Variants in GRIP1 observed in about 807,000 individuals in gnomAD.
GRIP1 encodes the protein glutamate receptor-interacting protein 1.
GRIP1 carries 45 observed loss-of-function variants against 129.9 expected under a neutral mutation model. The ratio of observed to expected loss-of-function variants is 0.35; its 90% CI spans 0.27 to 0.44. The LOEUF is 0.44. Ranked by LOEUF, GRIP1 falls within the 20% of genes least tolerant of loss-of-function variation. GRIP1 has a pLI of 1.00. For missense variants in GRIP1, 1,196 were observed against 1,396.8 expected (o/e 0.86, Z 2.29); for synonymous variants, 530 against 520.8 (o/e 1.02, Z -0.24).
chr12:66,606,115 AGG>A (rs746343394), intron 1 of GRIP1, among the ~76,000 whole-genome samples: 2 of 152,172 alleles, frequency 1.3e-5, no homozygotes, highest in Non-Finnish European at 2.9e-5. Context: ...AATGGTCCAA[AGG>A]ATGTTCCCAA....
At chr12:66,882,794 T>C (rs893163349) in intron 1 of GRIP1, among the ~76,000 whole-genome samples, 1 of 152,196 alleles carries the variant, frequency 6.6e-6, no homozygotes, top group Non-Finnish European at 1.5e-5. Context: ...GGTCTCCTTT[T>C]AGCTTCACAG....
chr12:66,957,417 A>AATATATATAT (rs60559996), intron 1 of GRIP1, among the ~76,000 whole-genome samples: 35 of 147,478 alleles, frequency 2.4e-4, no homozygotes, highest in African/African-American at 7.4e-4. Context: ...GCTTTAATCT[A>AATATATATAT]ATATATATAT....
intron 1 of GRIP1, among the ~76,000 whole-genome samples, chr12:66,604,949 T>C (rs2064444361): frequency 6.6e-6 from 1 of 152,052 alleles, no homozygotes; most frequent in South Asian, 2.1e-4. Flanking sequence ...TTTCATGTAA[T>C]GGCAACTGAG....
At chr12:66,447,375 T>C (rs12581681) in intron 11 of GRIP1, among the ~76,000 whole-genome samples, 11,842 of 152,230 alleles carry the variant, frequency 0.078, 1,257 homozygotes, top group African/African-American at 0.23. Context: ...TTCACAATCC[T>C]ATTAGGTCCT....
intron 1 of GRIP1, among the ~76,000 whole-genome samples, chr12:66,949,760 CTTTTT>C (rs781123585): frequency 1.2e-5 from 1 of 85,426 alleles, no homozygotes; most frequent in African/African-American, 4.4e-5. Context: ...CATGCTCCTC[CTTTTT>C]TTTTTTTTTT....
intron 1 of GRIP1, among the ~76,000 whole-genome samples, chr12:66,991,049 G>A (rs762740203): frequency 3.3e-5 from 5 of 151,078 alleles, no homozygotes; most frequent in Admixed American, 1.3e-4. Flanking sequence ...CGAGGCAGGC[G>A]GATCACGAGG....
At position 67,003,741 on chromosome 12, in the gene GRIP1, A is replaced by T. The variant is rs181858235; in HGVS notation, c.58+65309T>A. ...AAAAATAAATAAAAAAATAAATAAA[A>T]AAATTCCTACCATTTTCCCTCTTTC... On this transcript the variant is annotated intron_variant, in intron 1 of 1. Coordinates refer to the GRIP1 transcript ENST00000643019. Among the ~76,000 whole-genome samples the T allele has an allele frequency of 8.7e-4, 132 of 152,076 alleles. 1 individual carries two copies. The highest frequency in any genetic ancestry group is 6.8e-3 in the Middle Eastern group (2 of 294).
intron 1 of GRIP1, chr12:67,035,782 T>C (rs2043085594): frequency 6.6e-6 from 1 of 152,164 alleles, no homozygotes; most frequent in Admixed American, 6.5e-5. Flanking sequence ...CTCTCCTCCA[T>C]TATTATTCCC....
At chr12:66,604,026 A>C (rs1273331713) in intron 1 of GRIP1, among the ~76,000 whole-genome samples, 1 of 152,224 alleles carries the variant, frequency 6.6e-6, no homozygotes, top group East Asian at 1.9e-4. Context: ...ACATGAGGGA[A>C]GAATCTTCCA....
intron 1 of GRIP1, among the ~76,000 whole-genome samples, chr12:66,792,684 T>G (rs188905371): frequency 1.0e-3 from 159 of 152,154 alleles, no homozygotes; most frequent in South Asian, 2.1e-3. Context: ...ATATTGCAAT[T>G]TCTGATTGAG....
chr12:66,596,740 GATTTATTATT>G, intron 2 of GRIP1, 97 bp downstream of exon 2: 3 of 724,896 alleles, frequency 4.1e-6, no homozygotes, highest in Non-Finnish European at 7.5e-6. Flanking sequence ...GAAATAACAT[GATTTATTATT>G]ATTATTATTA....
chr12:66,683,913 G>T (rs1592740704), upstream of GRIP1, among the ~76,000 whole-genome samples: 1 of 152,300 alleles, frequency 6.6e-6, no homozygotes, highest in East Asian at 1.9e-4. Flanking sequence ...GTTTATGGAG[G>T]TATTATGTAG....
At chr12:66,934,528 A>C (rs540315819) in intron 1 of GRIP1, among the ~76,000 whole-genome samples, 2 of 152,312 alleles carry the variant, frequency 1.3e-5, no homozygotes, top group South Asian at 4.1e-4. Context: ...GGTTTCACAC[A>C]ATGCCCTTCA....
intron 1 of GRIP1, among the ~76,000 whole-genome samples, chr12:66,976,568 TATATC>T (rs746738125): frequency 8.5e-5 from 13 of 152,180 alleles, no homozygotes; most frequent in African/African-American, 1.7e-4. Flanking sequence ...ATGTGACATG[TATATC>T]ATATCATATC....
At chr12:66,586,116 C>A (rs2063624195) in intron 2 of GRIP1, among the ~76,000 whole-genome samples, 1 of 152,136 alleles carries the variant, frequency 6.6e-6, no homozygotes, top group African/African-American at 2.4e-5. Context: ...TAGAGAAACT[C>A]TGTTTAGAGT....
intron 1 of GRIP1, among the ~76,000 whole-genome samples, chr12:66,630,631 T>A (rs1295783715): frequency 6.6e-6 from 1 of 152,226 alleles, no homozygotes; most frequent in African/African-American, 2.4e-5. Flanking sequence ...TTAGCTGTGC[T>A]ATCATTATGA....
chr12:66,827,387 T>TGTGTGTGAGAGAGAGAGA lies in GRIP1; in HGVS notation c.59-230461_59-230460insTCTCTCTCTCTCACACAC, dbSNP rs755458052. On this transcript the variant is annotated intron_variant, in intron 1 of 1. Transcript: ENST00000643019. ...AGGTGTGTGTGTGTGTGTGTGTGTG[T>TGTGTGTGAGAGAGAGAGA]GAGAGAGAGAGAGAGAGAGAGAGAG... 2.0e-3 allele frequency among the ~76,000 whole-genome samples: 219 copies of TGTGTGTGAGAGAGAGAGA among 108,262 alleles called. 1 individual carries two copies. The highest frequency in any genetic ancestry group is 4.3e-3 in the Admixed American group (46 of 10,736). 71.0% of individuals were successfully genotyped at this position (108,262 alleles called of 152,430 possible).
chr12:66,883,104 C>T (rs1013084299), intron 1 of GRIP1, among the ~76,000 whole-genome samples: 3 of 152,140 alleles, frequency 2.0e-5, no homozygotes, highest in African/African-American at 4.8e-5. Flanking sequence ...TCCATCCTCA[C>T]AGCAACAGCC....
chr12:66,717,597 T>C (rs1489743983), intron 1 of GRIP1, among the ~76,000 whole-genome samples: 16 of 152,182 alleles, frequency 1.1e-4, no homozygotes, highest in East Asian at 1.9e-4. Flanking sequence ...CAAAGTGATT[T>C]CTATTAGTGC....
Sources: gnomAD v4.1 joint callset for allele counts (sites outside exome capture counted in the v4.1 genomes callset) on GRCh38, gnomAD v4.1.1 for gene constraint, MANE v1.5 for transcripts, NCBI Gene and HGNC (gene_info 2026-07-23, HGNC 2026-07-21) for gene names.